SNX8: variants seen among roughly 807,000 people sequenced by gnomAD.
The protein encoded by SNX8 is sorting nexin 8.
A neutral mutation model predicts 51.6 loss-of-function variants in SNX8; 25 were observed. The ratio of observed to expected loss-of-function variants is 0.48; its 90% CI spans 0.35 to 0.68. The LOEUF (loss-of-function observed/expected upper bound fraction) is 0.68, where lower values mean the gene tolerates loss of function less well. Among genes scored for constraint, SNX8 ranks in the 30% least tolerant of loss-of-function variants. The pLI is 0.00. For synonymous variants in SNX8, 324 were observed against 277.0 expected (o/e 1.17, Z -1.68); for missense variants, 695 against 624.0 (o/e 1.11, Z -1.21).
intron 1 of SNX8, chr7:2,308,027 C>T (rs1584728147): frequency 6.6e-6 from 1 of 151,888 alleles, no homozygotes; most frequent in Non-Finnish European, 1.5e-5. Context: ...CACGTTTTAC[C>T]TTGCAAATTG....
intron 1 of SNX8, among the ~76,000 whole-genome samples, chr7:2,320,749 G>A (rs181396071): frequency 1.7e-4 from 25 of 151,132 alleles, no homozygotes; most frequent in Non-Finnish European, 3.0e-4. Context: ...GGCCAGGCGC[G>A]GTGGCTCACG....
chr7:2,299,788 G>A (rs1293465652), intron 1 of SNX8, among the ~76,000 whole-genome samples: 10 of 151,964 alleles, frequency 6.6e-5, no homozygotes, highest in Non-Finnish European at 7.3e-5. Flanking sequence ...AATATCTGAC[G>A]GGGCTAAGTC....
At chr7:2,327,563 A>G (rs916165067) in intron 1 of SNX8, among the ~76,000 whole-genome samples, 1 of 152,114 alleles carries the variant, frequency 6.6e-6, no homozygotes, top group Non-Finnish European at 1.5e-5. Context: ...GCCCGCCACC[A>G]TGCCCGGCTA....
At chr7:2,261,808 C>A (rs1354922488) in intron 7 of SNX8, among the ~76,000 whole-genome samples, 2 of 152,212 alleles carry the variant, frequency 1.3e-5, no homozygotes, top group Non-Finnish European at 2.9e-5. Flanking sequence ...CTCTTCAGCA[C>A]GAAAAACGTC....
At chr7:2,278,521 G>C (rs903733274) in intron 1 of SNX8, among the ~76,000 whole-genome samples, 1 of 152,196 alleles carries the variant, frequency 6.6e-6, no homozygotes, top group Non-Finnish European at 1.5e-5. Context: ...TCCCTCTGCT[G>C]TGTGCTAGCT....
chr7:2,287,002 G>A (rs1037380413), intron 1 of SNX8, among the ~76,000 whole-genome samples: 3 of 151,480 alleles, frequency 2.0e-5, no homozygotes, highest in African/African-American at 7.3e-5. Flanking sequence ...AGCCAGGCGT[G>A]GTGGTGGGCA....
At chr7:2,338,821 G>C (rs1182502631) in intron 1 of SNX8, among the ~76,000 whole-genome samples, 3 of 152,134 alleles carry the variant, frequency 2.0e-5, no homozygotes, top group African/African-American at 4.8e-5. Flanking sequence ...TCAGCACTTT[G>C]GGAGGCCGAG....
At chr7:2,349,350 C>T (rs1453940014) in intron 1 of SNX8, among the ~76,000 whole-genome samples, 1 of 152,062 alleles carries the variant, frequency 6.6e-6, no homozygotes, top group Non-Finnish European at 1.5e-5. Flanking sequence ...CCACCACTAT[C>T]TCCCAAATTA....
rs1439407086 is a variant in SNX8, at chr7:2,257,496, C to T, written c.1003G>A (p.Glu335Lys). ...QSYKDLCERH[E>K]KGVLHKHQRA... ...TGGTGCTTGTGCAACACGCCCTTCT[C>T]ATGCCGCTCGCACAGGTCCTGCGGG... is the stretch of plus-strand genomic sequence containing the variant. The change falls in exon 9 of 11, where the codon GAG (glutamate) becomes AAG (lysine). Residue 335 changes from glutamate to lysine, a missense_variant. Transcript: ENST00000222990. 12 of 1,604,284 alleles carry T rather than the reference C, an allele frequency of 7.5e-6. No homozygotes were observed. Among genetic ancestry groups the T allele is most frequent in the South Asian group, 3.3e-5 (3 of 90,476 alleles).
chr7:2,283,866 G>A (rs1220252534), intron 1 of SNX8, among the ~76,000 whole-genome samples: 1 of 152,172 alleles, frequency 6.6e-6, no homozygotes, highest in Non-Finnish European at 1.5e-5. Context: ...CACAATCTTG[G>A]CTCACTGCAA....
intron 1 of SNX8, among the ~76,000 whole-genome samples, chr7:2,347,071 T>C (rs1779045556): frequency 6.6e-6 from 1 of 152,098 alleles, no homozygotes; most frequent in Non-Finnish European, 1.5e-5. Flanking sequence ...TGCTCACCTG[T>C]AATCCAGCCA....
At position 2,314,184 on chromosome 7, in the gene SNX8, A is replaced by T. The variant is rs1180112084; in HGVS notation, c.94+144T>A. Reference sequence around the variant, plus strand: ...GCGCAGGAGGGCAGGGGGACCTCCGAGGGACTGGGGCGTGGGGCCGAACGC... The same window carrying T: ...GCGCAGGAGGGCAGGGGGACCTCCGTGGGACTGGGGCGTGGGGCCGAACGC... On this transcript the variant is annotated intron_variant, in intron 1 of 10. Transcript: ENST00000222990. 5.6e-6 allele frequency: 5 copies of T among 887,824 alleles called. No homozygotes were observed. In the East Asian group the frequency reaches 1.5e-4, roughly 26 times the overall value. The allele number at this position is 887,824 out of a possible 1,614,324, so 55.0% of individuals were successfully genotyped here. A position where few individuals can be genotyped will look rare whatever the true frequency, so the allele number is the denominator to read the frequency against.
Position 2,285,039 on chromosome 7 carries a change from C to T in SNX8, c.95-6734G>A, listed in dbSNP as rs573817417. On this transcript the variant is annotated intron_variant, in intron 1 of 10. Transcript: ENST00000222990. ...CATCCTGGCTAACACGATGAAACCT[C>T]ATCTCTTCTAAAAATACAAAAAATT... Among the ~76,000 whole-genome samples the T allele has an allele frequency of 3.9e-5, 6 of 152,000 alleles. No individual in the cohort carries two copies. In the South Asian group the frequency reaches 1.0e-3, roughly 26 times the overall value.
intron 1 of SNX8, among the ~76,000 whole-genome samples, chr7:2,332,447 T>C: frequency 6.6e-6 from 1 of 152,000 alleles, no homozygotes; most frequent in East Asian, 1.9e-4. Flanking sequence ...CAAATCATCT[T>C]GCATAACCAA....
intron 1 of SNX8, among the ~76,000 whole-genome samples, chr7:2,309,496 C>T (rs576651119): frequency 5.5e-4 from 84 of 152,036 alleles, no homozygotes; most frequent in African/African-American, 1.9e-3. Flanking sequence ...CTTTGGGAGG[C>T]CAAGGTGGGC....
chr7:2,352,189 G>A (rs1292051781), intron 1 of SNX8, among the ~76,000 whole-genome samples: 3 of 151,960 alleles, frequency 2.0e-5, no homozygotes, highest in Admixed American at 6.6e-5. Context: ...TGGGATTACA[G>A]GTGTGAGCCA....
chr7:2,350,003 G>T (rs1248493914), intron 1 of SNX8, among the ~76,000 whole-genome samples: 1 of 152,100 alleles, frequency 6.6e-6, no homozygotes, highest in African/African-American at 2.4e-5. Context: ...ACCTGCCTGG[G>T]CCCTGGAAGG....
chr7:2,301,714 G>T (rs889578860), intron 1 of SNX8, among the ~76,000 whole-genome samples: 5 of 152,148 alleles, frequency 3.3e-5, no homozygotes, highest in Admixed American at 2.6e-4. Context: ...CCACTGGCAG[G>T]CGTGTCTTAT....
chr7:2,261,533 G>C (rs1795336551), intron 7 of SNX8, among the ~76,000 whole-genome samples: 1 of 152,238 alleles, frequency 6.6e-6, no homozygotes, highest in Admixed American at 6.5e-5. Context: ...AGAATAGCTT[G>C]ATCATGGTCA....
Sources: gnomAD v4.1 joint callset for allele counts (sites outside exome capture counted in the v4.1 genomes callset) on GRCh38, gnomAD v4.1.1 for gene constraint, MANE v1.5 for transcripts, NCBI Gene and HGNC (gene_info 2026-07-23, HGNC 2026-07-21) for gene names.